HPSE2: variants seen among roughly 807,000 people sequenced by gnomAD.
HPSE2 encodes the protein heparanase 2 (inactive).
A neutral mutation model predicts 60.5 loss-of-function variants in HPSE2; 38 were observed. The ratio of observed to expected loss-of-function variants is 0.63; its 90% confidence interval spans 0.48 to 0.82. The LOEUF is 0.82. Ranked by LOEUF, HPSE2 falls within the 40% of genes least tolerant of loss-of-function variation. The pLI, the probability that HPSE2 is intolerant of heterozygous loss-of-function variation, is 0.00. For synonymous variants in HPSE2, 295 were observed against 293.2 expected (o/e 1.01, Z -0.06); for missense variants, 713 against 740.4 (o/e 0.96, Z 0.43).
intron 9 of HPSE2, among the ~76,000 whole-genome samples, chr10:98,612,438 T>C (rs1054233169): frequency 6.6e-6 from 1 of 152,248 alleles, no homozygotes; most frequent in Non-Finnish European, 1.5e-5. Flanking sequence ...AGAGCAATTA[T>C]GACAAATTGC....
intron 9 of HPSE2, among the ~76,000 whole-genome samples, chr10:98,605,385 C>G (rs191698455): frequency 6.6e-6 from 1 of 152,166 alleles, no homozygotes; most frequent in Non-Finnish European, 1.5e-5. Flanking sequence ...TTTTTATGTT[C>G]TACAGAAACT....
intron 11 of HPSE2, among the ~76,000 whole-genome samples, chr10:98,460,159 A>G (rs10883101): frequency 0.53 from 80,308 of 152,080 alleles, 21,555 homozygotes; most frequent in African/African-American, 0.62. Context: ...TTTTCCACCT[A>G]AAGAGTTTTT....
At chr10:98,472,997 AC>A (rs1264245882) in intron 11 of HPSE2, among the ~76,000 whole-genome samples, 7 of 152,044 alleles carry the variant, frequency 4.6e-5, no homozygotes, top group African/African-American at 1.7e-4. Context: ...TACAATACTA[AC>A]ATATGAAAAA....
chr10:98,805,404 A>C (rs1951019212), intron 3 of HPSE2, among the ~76,000 whole-genome samples: 1 of 152,176 alleles, frequency 6.6e-6, no homozygotes, highest in Non-Finnish European at 1.5e-5. Flanking sequence ...CAAAGGATAA[A>C]AATCTGAGGG....
intron 4 of HPSE2, among the ~76,000 whole-genome samples, chr10:98,739,155 A>C (rs1949432370): frequency 6.6e-6 from 1 of 152,228 alleles, no homozygotes; most frequent in Admixed American, 6.5e-5. Flanking sequence ...AAAAAGAATG[A>C]GTTCATGTCC....
chr10:98,894,541 A>C (rs1031785896), intron 3 of HPSE2, among the ~76,000 whole-genome samples: 3 of 152,152 alleles, frequency 2.0e-5, no homozygotes, highest in African/African-American at 4.8e-5. Context: ...ATTTCAGACA[A>C]TTAATGACAT....
chr10:98,860,209 TATAAA>T (rs1952422586), intron 3 of HPSE2, among the ~76,000 whole-genome samples: 1 of 152,180 alleles, frequency 6.6e-6, no homozygotes, highest in Non-Finnish European at 1.5e-5. Context: ...TGATCCTTCT[TATAAA>T]ATATTATTAC....
At chr10:98,978,992 C>T (rs769501411) in intron 3 of HPSE2, among the ~76,000 whole-genome samples, 12 of 152,272 alleles carry the variant, frequency 7.9e-5, no homozygotes, top group Non-Finnish European at 1.6e-4. Context: ...ACTGCGAACA[C>T]GTGTTCTTTT....
intron 2 of HPSE2, among the ~76,000 whole-genome samples, chr10:99,196,419 C>T (rs774946304): frequency 6.6e-6 from 1 of 152,012 alleles, no homozygotes. Context: ...AGTGAAGAGA[C>T]AACCCACAGA....
chr10:98,571,804 C>T (rs962778553), intron 9 of HPSE2, among the ~76,000 whole-genome samples: 1 of 152,150 alleles, frequency 6.6e-6, no homozygotes, highest in Non-Finnish European at 1.5e-5. Context: ...GTCTTTCAGC[C>T]CAGCCTGATT....
intron 2 of HPSE2, among the ~76,000 whole-genome samples, chr10:99,176,381 G>A (rs759403451): frequency 1.4e-4 from 22 of 152,158 alleles, no homozygotes; most frequent in South Asian, 4.1e-4. Flanking sequence ...TTGAAAAAAG[G>A]TTAGACGAAT....
At chr10:98,998,567 T>G (rs1483219471) in intron 3 of HPSE2, among the ~76,000 whole-genome samples, 3 of 152,224 alleles carry the variant, frequency 2.0e-5, no homozygotes, top group Non-Finnish European at 4.4e-5. Flanking sequence ...CTCCTTCATT[T>G]AGTTCCAAAC....
chr10:98,547,562 A>G (rs1486473207), intron 9 of HPSE2, among the ~76,000 whole-genome samples: 1 of 145,080 alleles, frequency 6.9e-6, no homozygotes, highest in African/African-American at 2.5e-5. Context: ...AGGACAAAAA[A>G]CCAAACACCG....
At chr10:98,469,372 C>T (rs778868835) in intron 11 of HPSE2, among the ~76,000 whole-genome samples, 3 of 152,152 alleles carry the variant, frequency 2.0e-5, no homozygotes, top group Admixed American at 1.3e-4. Flanking sequence ...GCTATAAAAA[C>T]CATGGAGACT....
At chr10:98,744,365 T>C (rs530164866) in intron 3 of HPSE2, among the ~76,000 whole-genome samples, 1 of 152,024 alleles carries the variant, frequency 6.6e-6, no homozygotes, top group Admixed American at 6.5e-5. Context: ...CCATCTCTAC[T>C]AAAAATACAA....
intron 3 of HPSE2, among the ~76,000 whole-genome samples, chr10:98,748,225 A>C (rs1358808783): frequency 6.6e-6 from 1 of 152,166 alleles, no homozygotes; most frequent in East Asian, 1.9e-4. Context: ...GAATCGCTTG[A>C]ACCTGGGAGG....
At chr10:99,022,984 G>C (rs544153738) in intron 3 of HPSE2, among the ~76,000 whole-genome samples, 1 of 152,054 alleles carries the variant, frequency 6.6e-6, no homozygotes, top group Admixed American at 6.6e-5. Flanking sequence ...AAGTAAAGGC[G>C]GCTTTGTCTT....
the HPSE2 span, among the ~76,000 whole-genome samples, chr10:99,277,998 G>A: frequency 7.2e-5 from 11 of 151,836 alleles, no homozygotes; most frequent in South Asian, 2.1e-3. Context: ...TCAGGAGGCT[G>A]AGGCGAGAGA....
intron 4 of HPSE2, among the ~76,000 whole-genome samples, chr10:98,731,845 C>A (rs973592160): frequency 1.3e-5 from 2 of 152,108 alleles, no homozygotes; most frequent in African/African-American, 2.4e-5. Context: ...TGTTATTATT[C>A]TCAGACAATA....
Sources: gnomAD v4.1 joint callset for allele counts (sites outside exome capture counted in the v4.1 genomes callset) on GRCh38, gnomAD v4.1.1 for gene constraint, MANE v1.5 for transcripts, NCBI Gene and HGNC (gene_info 2026-07-23, HGNC 2026-07-21) for gene names.